CADM1: variants seen among roughly 807,000 people sequenced by gnomAD.
CADM1 encodes cell adhesion molecule 1.
In CADM1, 15 loss-of-function variants were observed where a neutral mutation model predicts 53.1. That is an observed-to-expected ratio of 0.28 (90% confidence interval 0.19 to 0.44). CADM1 has a LOEUF of 0.44. CADM1 is among the 20% of genes least tolerant of loss of function. The pLI, the probability that CADM1 is intolerant of heterozygous loss-of-function variation, is 1.00. For synonymous variants in CADM1, 281 were observed against 243.0 expected, an observed-to-expected ratio of 1.16 and a Z score of -1.45; for missense variants, 434 against 611.3, an observed-to-expected ratio of 0.71 and a Z score of 3.06.
intron 9 of CADM1, among the ~76,000 whole-genome samples, chr11:115,196,674 G>A (rs954205857): frequency 9.3e-5 from 14 of 150,546 alleles, no homozygotes; most frequent in African/African-American, 2.0e-4. Flanking sequence ...GTGTTGGGCC[G>A]CATTCAAAGC....
intron 8 of CADM1, among the ~76,000 whole-genome samples, chr11:115,201,947 T>C (rs1467937629): frequency 6.6e-6 from 1 of 152,214 alleles, no homozygotes; most frequent in African/African-American, 2.4e-5. Context: ...AGTCACTCTC[T>C]GGCTATTTTA....
intron 8 of CADM1, among the ~76,000 whole-genome samples, chr11:115,207,898 C>T (rs3802857): frequency 1.3e-5 from 2 of 152,094 alleles, no homozygotes; most frequent in East Asian, 1.9e-4. Context: ...CACAAGAGTA[C>T]GAGTCTAATT....
intron 6 of CADM1, among the ~76,000 whole-genome samples, chr11:115,216,044 T>C (rs905976111): frequency 6.6e-6 from 1 of 152,254 alleles, no homozygotes; most frequent in Non-Finnish European, 1.5e-5. Context: ...TTGTAGGCAA[T>C]GGCAAATGGG....
intron 1 of CADM1, among the ~76,000 whole-genome samples, chr11:115,403,947 AG>A (rs1383038174): frequency 6.6e-6 from 1 of 151,924 alleles, no homozygotes; most frequent in Non-Finnish European, 1.5e-5. Context: ...CAAAAACAAA[AG>A]TCAGTTTTTA....
Position 115,324,678 on chromosome 11 carries a change from A to G in CADM1, c.125-84258T>C, listed in dbSNP as rs530133788. Among the ~76,000 whole-genome samples, 9 of 152,312 alleles carry G rather than the reference A, an allele frequency of 5.9e-5. No homozygotes were observed. In the South Asian group the frequency reaches 1.0e-3, roughly 18 times the overall value. ...ATACTATATGATGAACAAGTGATAA[A>G]ATGTATAAAAACTGCGATGAGGAAT... is the stretch of plus-strand genomic sequence containing the variant. On this transcript the variant is annotated intron_variant, in intron 1 of 11. Transcript: ENST00000331581.
chr11:115,484,060 T>C (rs986677206), intron 1 of CADM1, among the ~76,000 whole-genome samples: 2 of 152,186 alleles, frequency 1.3e-5, no homozygotes, highest in East Asian at 1.9e-4. Context: ...ATGCAAAATG[T>C]CCACAAGGAT....
At chr11:115,403,478 T>C (rs1338897113) in intron 1 of CADM1, among the ~76,000 whole-genome samples, 4 of 152,216 alleles carry the variant, frequency 2.6e-5, no homozygotes, top group East Asian at 1.9e-4. Flanking sequence ...GGTTCTACAG[T>C]GGTTATGTAA....
intron 1 of CADM1, among the ~76,000 whole-genome samples, chr11:115,346,650 A>G (rs1236704721): frequency 6.6e-6 from 1 of 152,290 alleles, no homozygotes; most frequent in East Asian, 1.9e-4. Flanking sequence ...CTGAATATCA[A>G]CTTTTCCCAG....
At chr11:115,380,930 T>C (rs773746549) in intron 1 of CADM1, among the ~76,000 whole-genome samples, 3 of 152,184 alleles carry the variant, frequency 2.0e-5, no homozygotes, top group Admixed American at 1.3e-4. Flanking sequence ...TAATTAGCAA[T>C]ACTTTTTAAA....
intron 2 of CADM1, 105 bp downstream of exon 2, chr11:115,240,169 A>T: frequency 9.8e-7 from 1 of 1,018,368 alleles, no homozygotes; most frequent in East Asian, 2.6e-5. Flanking sequence ...CTAAACTTTA[A>T]GCATCTAACA....
intron 1 of CADM1, among the ~76,000 whole-genome samples, chr11:115,284,114 C>CTCTCTCTCTCTCTGTGTGTGTG (rs1351842329): frequency 3.0e-5 from 3 of 98,616 alleles, no homozygotes; most frequent in Non-Finnish European, 6.3e-5. Context: ...CTCTCTCTCT[C>CTCTCTCTCTCTCTGTGTGTGTG]TGTGTGTGTG....
chr11:115,465,796 G>A (rs1278684956), intron 1 of CADM1, among the ~76,000 whole-genome samples: 1 of 152,130 alleles, frequency 6.6e-6, no homozygotes, highest in Non-Finnish European at 1.5e-5. Context: ...TTTACAGGCA[G>A]GAAAAGTAGA....
chr11:115,361,623 T>C (rs549755159), intron 1 of CADM1, among the ~76,000 whole-genome samples: 9 of 152,174 alleles, frequency 5.9e-5, no homozygotes, highest in Non-Finnish European at 1.2e-4. Context: ...AAAATGCCTA[T>C]TATGTCTTCA....
chr11:115,339,479 T>C (rs1182115788), intron 1 of CADM1, among the ~76,000 whole-genome samples: 1 of 152,058 alleles, frequency 6.6e-6, no homozygotes, highest in Non-Finnish European at 1.5e-5. Flanking sequence ...GTCCACCTTC[T>C]TTTAAATAAC....
At chr11:115,224,874 T>C (rs1467993626) in intron 5 of CADM1, among the ~76,000 whole-genome samples, 1 of 152,166 alleles carries the variant, frequency 6.6e-6, no homozygotes, top group Non-Finnish European at 1.5e-5. Flanking sequence ...TACAATTGTA[T>C]CACACTCTGC....
At chr11:115,424,881 A>C (rs1947853034) in intron 1 of CADM1, among the ~76,000 whole-genome samples, 1 of 152,214 alleles carries the variant, frequency 6.6e-6, no homozygotes, top group Non-Finnish European at 1.5e-5. Flanking sequence ...CCCATGATCC[A>C]GTAAGGATAA....
At position 115,175,036 on chromosome 11, in the gene CADM1, T is replaced by C; in HGVS notation, c.*1438A>G. 2.0e-6 allele frequency: 2 copies of C among 985,892 alleles called. No homozygotes were observed. Among genetic ancestry groups the C allele is most frequent in the Non-Finnish European group, 2.4e-6 (2 of 829,934 alleles). The allele number at this position is 985,892 out of a possible 1,614,324, so 61.1% of individuals were successfully genotyped here. On this transcript the variant is annotated 3_prime_UTR_variant, in exon 12 of 12. Transcript: ENST00000331581. ...GCTGCCATCATGCGAGGATCAGTAA[T>C]TTTTGGCAGATGGTTCTTAAGGCTG...
chr11:115,322,625 T>C (rs1369106761), intron 1 of CADM1, among the ~76,000 whole-genome samples: 1 of 152,190 alleles, frequency 6.6e-6, no homozygotes, highest in Non-Finnish European at 1.5e-5. Context: ...TCTATAGCTT[T>C]TGACTTTTCT....
chr11:115,257,705 G>A (rs550134068), intron 1 of CADM1, among the ~76,000 whole-genome samples: 2 of 152,222 alleles, frequency 1.3e-5, no homozygotes, highest in Non-Finnish European at 2.9e-5. Context: ...ACAGGACCAA[G>A]TAATATTAAT....
Sources: allele counts gnomAD v4.1 joint callset (sites outside exome capture counted in the v4.1 genomes callset), GRCh38; gene constraint gnomAD v4.1.1; transcripts MANE v1.5; gene names NCBI Gene and HGNC (gene_info 2026-07-23, HGNC 2026-07-21).